Variants in MAP3K19 observed in about 807,000 individuals in gnomAD.
MAP3K19 encodes the protein mitogen-activated protein kinase kinase kinase 19, also known as SPS1/STE20-related protein kinase YSK4.
MAP3K19 carries 91 observed loss-of-function variants against 114.4 expected under a neutral mutation model. The ratio of observed to expected loss-of-function variants is 0.80; its 90% CI spans 0.67 to 0.95. The LOEUF is 0.95. Among genes scored for constraint, MAP3K19 ranks in the 40% least tolerant of loss-of-function variants. The pLI, the probability that MAP3K19 is intolerant of heterozygous loss-of-function variation, is 0.00. For synonymous variants in MAP3K19, 518 were observed against 530.5 expected (o/e 0.98, Z 0.32); for missense variants, 1,471 against 1,573.2 (o/e 0.94, Z 1.10).
At position 134,988,062 on chromosome 2, in the gene MAP3K19, C is replaced by T. The variant is rs1342215367; in HGVS notation, c.810G>A (p.Lys270=). ...PSNEPPGALV[K]SLMDPTLRSS... ...ACCTGAGAGTCGGATCCATCAACGA[C>T]TTAACTAGGGCTCCCGGAGGCTCGT... Residue 270 remains lysine (K), a synonymous_variant, in exon 10 of 13, where the codon AAG becomes AAA. Coordinates refer to ENST00000392915, the MANE Select transcript of MAP3K19 (RefSeq NM_025052.5). 2 of 1,613,772 alleles carry T rather than the reference C, an allele frequency of 1.2e-6. No homozygotes were observed. The highest frequency in any genetic ancestry group is 4.5e-5 in the East Asian group (2 of 44,874).
intron 5 of MAP3K19, among the ~76,000 whole-genome samples, chr2:135,008,538 C>A (rs1686996568): frequency 6.6e-6 from 1 of 152,104 alleles, no homozygotes; most frequent in Non-Finnish European, 1.5e-5. Context: ...GCAACTAATA[C>A]CCCAATTTTG....
At position 134,981,055 on chromosome 2, in the gene MAP3K19, C is replaced by A; in HGVS notation, c.3686G>T (p.Gly1229Val). The A allele has an allele frequency of 6.2e-7, 1 of 1,614,200 alleles. No individual in the cohort carries two copies. The highest frequency in any genetic ancestry group is 8.5e-7 in the Non-Finnish European group (1 of 1,180,038). ...THSDMLKSMH[G>V]TPYWMAPEVI... ...TTCTGGGGCCATCCAATATGGAGTC[C>A]CATGCATGGACTTAAGCATGTCACT... Residue 1229 changes from glycine (G) to valine (V), a missense_variant, in exon 12 of 13, where the codon GGG (glycine) becomes GTG (valine). Physicochemically the swap from Gly to Val is moderately radical, Grantham distance 109. Transcript: ENST00000392915.
At chr2:135,011,754 C>A (rs959448444) in intron 5 of MAP3K19, among the ~76,000 whole-genome samples, 1 of 151,954 alleles carries the variant, frequency 6.6e-6, no homozygotes, top group African/African-American at 2.4e-5. Flanking sequence ...GTGATCATAG[C>A]TCACTGTAAC....
At chr2:134,970,877 A>C (rs141451668) in intron 12 of MAP3K19, among the ~76,000 whole-genome samples, 6 of 152,152 alleles carry the variant, frequency 3.9e-5, no homozygotes, top group Non-Finnish European at 8.8e-5. Flanking sequence ...GATTACAGGC[A>C]TGAGCCACTG....
chr2:135,003,803 C>G (rs956767666), intron 6 of MAP3K19, among the ~76,000 whole-genome samples: 3 of 152,232 alleles, frequency 2.0e-5, no homozygotes, highest in African/African-American at 4.8e-5. Context: ...ATCCGCCCAC[C>G]TTGGCCTCCC....
intron 2 of MAP3K19, among the ~76,000 whole-genome samples, chr2:135,035,504 T>A (rs939093984): frequency 6.6e-6 from 1 of 152,178 alleles, no homozygotes; most frequent in Non-Finnish European, 1.5e-5. Flanking sequence ...GAAGAAAGGA[T>A]ATAGAGTGAT....
Position 135,021,608 on chromosome 2 carries a change from TTAAAAA to T in MAP3K19, c.138+101_138+106del, listed in dbSNP as rs1284388985. Reference sequence around the variant, plus strand: ...CAAATATGCTTTTTTATGATTACACTTAAAAATAAAATTGTAATATATGAGTGTTAT... The same window carrying T: ...CAAATATGCTTTTTTATGATTACACTTAAAATTGTAATATATGAGTGTTAT... On this transcript the variant is annotated intron_variant, in intron 5 of 12. Transcript: ENST00000392915. 3.3e-5 allele frequency: 21 copies of T among 626,934 alleles called. No homozygotes were observed. The African/African-American group carries it at 3.9e-4, about 12-fold the overall frequency. The allele number at this position is 626,934 out of a possible 1,614,324, so 38.8% of individuals were successfully genotyped here. A position where few individuals can be genotyped will look rare whatever the true frequency, so the allele number is the denominator to read the frequency against.
At chr2:135,041,443 C>T (rs1243980054) in intron 1 of MAP3K19, among the ~76,000 whole-genome samples, 1 of 151,734 alleles carries the variant, frequency 6.6e-6, no homozygotes, top group Non-Finnish European at 1.5e-5. Flanking sequence ...TGGGTTCAAG[C>T]GATTCTCCTG....
intron 8 of MAP3K19, among the ~76,000 whole-genome samples, chr2:134,996,266 T>TA (rs1200601517): frequency 1.4e-5 from 2 of 146,624 alleles, no homozygotes; most frequent in African/African-American, 5.1e-5. Flanking sequence ...TAGTACTTCT[T>TA]ATTTCTTTTT....
intron 6 of MAP3K19, among the ~76,000 whole-genome samples, chr2:135,000,525 C>G (rs547979338): frequency 2.6e-5 from 4 of 152,316 alleles, no homozygotes; most frequent in African/African-American, 9.6e-5. Context: ...ATGTAAAAAA[C>G]TAGTGTGAAC....
rs1684646729 is a variant in MAP3K19, at chr2:134,981,374, T to C, written c.3367A>G (p.Ile1123Val). 6.2e-7 allele frequency: 1 copy of C among 1,614,086 alleles called. No individual in the cohort carries two copies. The highest frequency in any genetic ancestry group is 1.3e-5 in the African/African-American group (1 of 74,938). ...DLLKALKHVN[I>V]VAYLGTCLQE... ...AAGCATGTCCCCAAATAGGCCACAA[T>C]GTTGACATGTTTCAGTGCTTTGAGC... Residue 1123 changes from isoleucine to valine, a missense_variant, in exon 12 of 13, where the codon ATT (isoleucine) becomes GTT (valine). Transcript: ENST00000392915.
At chr2:135,021,918 C>A in intron 4 of MAP3K19, 88 bp from the exon 5 acceptor site, 1 of 749,718 alleles carries the variant, frequency 1.3e-6, no homozygotes, top group Non-Finnish European at 2.1e-6. Flanking sequence ...CTAAAATCAG[C>A]TCCATTTTGT....
At chr2:135,012,689 A>G (rs943768303) in intron 5 of MAP3K19, among the ~76,000 whole-genome samples, 2 of 152,128 alleles carry the variant, frequency 1.3e-5, no homozygotes, top group African/African-American at 4.8e-5. Flanking sequence ...ATTTCTGCAT[A>G]GTTATCATGC....
chr2:134,977,950 C>T (rs1242137386), intron 12 of MAP3K19, among the ~76,000 whole-genome samples: 1 of 152,124 alleles, frequency 6.6e-6, no homozygotes, highest in Non-Finnish European at 1.5e-5. Context: ...TTCTGTAGCG[C>T]TTGAAACATT....
intron 12 of MAP3K19, among the ~76,000 whole-genome samples, chr2:134,976,272 A>G (rs1389031514): frequency 6.6e-6 from 1 of 152,172 alleles, no homozygotes; most frequent in African/African-American, 2.4e-5. Flanking sequence ...CTCCGGAGCA[A>G]TGCTGTCACA....
chr2:135,040,571 C>T (rs966926735), intron 1 of MAP3K19, 69 bp from the exon 2 acceptor site: 6 of 142,790 alleles, frequency 4.2e-5, no homozygotes, highest in South Asian at 2.3e-4. Context: ...TGAAAAGGAA[C>T]GATTTAATTA....
chr2:135,009,077 A>G (rs1256761351), intron 5 of MAP3K19, among the ~76,000 whole-genome samples: 2 of 150,114 alleles, frequency 1.3e-5, no homozygotes, highest in Non-Finnish European at 3.0e-5. Context: ...TTAGCCTCCC[A>G]AGTAGCTGGG....
chr2:134,976,977 C>T (rs953942715), intron 12 of MAP3K19, among the ~76,000 whole-genome samples: 2 of 147,224 alleles, frequency 1.4e-5, no homozygotes, highest in Non-Finnish European at 3.0e-5. Flanking sequence ...AACCCATGGA[C>T]GGAGGTTGCA....
intron 2 of MAP3K19, 123 bp downstream of exon 2, chr2:135,040,240 C>G (rs764471465): frequency 6.6e-6 from 1 of 152,596 alleles, no homozygotes; most frequent in Non-Finnish European, 1.5e-5. Flanking sequence ...CCCCATACCC[C>G]ACTTTGTGTC....
Sources: allele counts gnomAD v4.1 joint callset (sites outside exome capture counted in the v4.1 genomes callset), GRCh38; gene constraint gnomAD v4.1.1; transcripts MANE v1.5; gene names NCBI Gene and HGNC (gene_info 2026-07-23, HGNC 2026-07-21).